EBLN2: variants seen among roughly 807,000 people sequenced by gnomAD.
EBLN2 encodes the protein endogenous Bornavirus-like nucleoprotein 2.
For missense variants in EBLN2, 397 were observed against 324.2 expected (o/e 1.22, Z -1.72); for synonymous variants, 131 against 113.6 (o/e 1.15, Z -0.97).
rs1559569526 is a variant in EBLN2, at chr3:73,062,077, T to TA, written c.-3dup. 1 of 1,530,100 alleles carries TA rather than the reference T, an allele frequency of 6.5e-7. No homozygotes were observed. The highest frequency in any genetic ancestry group is 2.4e-5 in the East Asian group (1 of 40,856). 94.8% of individuals were successfully genotyped at this position (1,530,100 alleles called of 1,614,324 possible). On this transcript the variant is annotated 5_prime_UTR_variant, in exon 1 of 1. Coordinates refer to ENST00000533473, the MANE Select transcript of EBLN2 (RefSeq NM_018029.4). ...AAGTGCAGAGTCAAGTCATAGCGAC[T>TA]AATAATGGGTTATTTTCTTAAATTG...
At position 73,063,034 on chromosome 3, in the gene EBLN2, A is replaced by G. The variant is rs2231932; in HGVS notation, c.*134A>G. The G allele has an allele frequency of 0.01, 8,645 of 852,742 alleles. 535 individuals carry two copies. In the African/African-American group the frequency reaches 0.13, roughly 13 times the overall value. 52.8% of individuals were successfully genotyped at this position (852,742 alleles called of 1,614,324 possible). ...TTTGAGGAGAAAAAAAACAATGGTTAAAAAGGCATTGGGGAAATATTTTGA... is the reference window on the plus strand; with the variant it reads ...TTTGAGGAGAAAAAAAACAATGGTTGAAAAGGCATTGGGGAAATATTTTGA... On this transcript the variant is annotated 3_prime_UTR_variant, in exon 1 of 1. Coordinates refer to ENST00000533473, the MANE Select transcript of EBLN2 (RefSeq NM_018029.4).
rs1702899101 is a variant in EBLN2, at chr3:73,062,878, A to G, written c.797A>G (p.His266Arg). ...LLFGDFESPL[H>R]KLRKSS is the part of the protein sequence containing the mutation. ...TTTGGAGACTTTGAATCCCCTCTAC[A>G]CAAGCTACGCAAGTCAAGTTAGTTG... The change falls in exon 1 of 1, where the codon CAC (histidine) becomes CGC (arginine). Residue 266 changes from histidine to arginine, a missense_variant. By Grantham distance (29) the His-to-Arg change is conservative (BLOSUM62 0). Transcript: ENST00000533473. The G allele has an allele frequency of 6.2e-7, 1 of 1,612,822 alleles. No homozygotes were observed. Among genetic ancestry groups the G allele is most frequent in the Non-Finnish European group, 8.5e-7 (1 of 1,179,544 alleles).
chr3:73,062,769 C>G lies in EBLN2; in HGVS notation c.688C>G (p.Leu230Val). ...ACTTTCACATGGTGAGAGTGCTGATCTGCTAATCAGCTGCAATGCAGAATC... is the reference window on the plus strand; with the variant it reads ...ACTTTCACATGGTGAGAGTGCTGATGTGCTAATCAGCTGCAATGCAGAATC... ...GRLSHGESAD[L>V]LISCNAESAI... is the part of the protein sequence containing the mutation. The change falls in exon 1 of 1, where the codon CTG becomes GTG. Residue 230 changes from leucine (L) to valine (V), a missense_variant. Physicochemically the swap from Leu to Val is conservative, Grantham distance 32. Coordinates refer to ENST00000533473, the MANE Select transcript of EBLN2 (RefSeq NM_018029.4). The G allele has an allele frequency of 6.2e-7, 1 of 1,613,948 alleles. No individual in the cohort carries two copies. Among genetic ancestry groups the G allele is most frequent in the Non-Finnish European group, 8.5e-7 (1 of 1,179,852 alleles).
chr3:73,062,278 A>G lies in EBLN2; in HGVS notation c.197A>G (p.Asp66Gly). Residue 66 changes from aspartate to glycine, a missense_variant, in exon 1 of 1, where the codon GAC (aspartate) becomes GGC (glycine). Transcript: ENST00000533473. ...AGCAGCCCAGGAGATGACGCAATGG[A>G]CAGGAGTGGGCTCCCTGACCTTCAA... is the stretch of plus-strand genomic sequence containing the variant. ...QPSSPGDDAM[D>G]RSGLPDLQGR... 1.2e-6 allele frequency: 2 copies of G among 1,607,410 alleles called. No homozygotes were observed. Among genetic ancestry groups the G allele is most frequent in the Non-Finnish European group, 1.7e-6 (2 of 1,178,082 alleles).
In EBLN2 at chr3:73,062,792, A is replaced by G; in HGVS notation, c.711A>G (p.Glu237=). 1 of 1,613,968 alleles carries G rather than the reference A, an allele frequency of 6.2e-7. No individual in the cohort carries two copies. The highest frequency in any genetic ancestry group is 8.5e-7 in the Non-Finnish European group (1 of 1,179,860). Residue 237 remains glutamate (E), a synonymous_variant, in exon 1 of 1, where the codon GAA becomes GAG. Coordinates refer to ENST00000533473, the MANE Select transcript of EBLN2 (RefSeq NM_018029.4). ...ATCTGCTAATCAGCTGCAATGCAGA[A>G]TCAGCCATAGGTTGGATCAGCTCAA... ...SADLLISCNA[E]SAIGWISSRP... is the part of the protein sequence containing the mutation.
rs376329869 is a variant in EBLN2 at position 73,062,565 on chromosome 3, A to G, written c.484A>G (p.Thr162Ala). The stretch of plus-strand genomic sequence containing the variant: ...TGGGAATGAGAACGAGGAAAGGGGT[A>G]CTCCTTATGCTAGCAGATTCAAAGA... ...VVGNENEERG[T>A]PYASRFKDMP... Residue 162 changes from threonine (T) to alanine (A), a missense_variant, in exon 1 of 1, where the codon ACT becomes GCT. By Grantham distance (58) the Thr-to-Ala change is moderately conservative (BLOSUM62 0). Transcript: ENST00000533473. 7 of 1,613,792 alleles carry G rather than the reference A, an allele frequency of 4.3e-6. No homozygotes were observed. The African/African-American group carries it at 9.3e-5, about 22-fold the overall frequency.
In EBLN2 at chr3:73,062,735, T is replaced by C. The variant is rs377295977; in HGVS notation, c.654T>C (p.Ser218=). The change falls in exon 1 of 1, where the codon TCT becomes TCC. Residue 218 remains serine (S), a synonymous_variant. Transcript: ENST00000533473. ...GACGATTCAAGGCAATGATGGCATC[T>C]ATTGGAAGACTTTCACATGGTGAGA... ...VQRRFKAMMA[S]IGRLSHGESA... 5.1e-5 allele frequency: 82 copies of C among 1,614,028 alleles called. No homozygotes were observed. Among genetic ancestry groups the C allele is most frequent in the Admixed American group, 2.0e-4 (12 of 60,030 alleles).
Sources: gnomAD v4.1 joint callset for allele counts on GRCh38, gnomAD v4.1.1 for gene constraint, MANE v1.5 for transcripts, NCBI Gene and HGNC (gene_info 2026-07-23, HGNC 2026-07-21) for gene names.